Variants in PAX1 observed in about 807,000 individuals in gnomAD.
PAX1 encodes paired box 1.
PAX1 carries 18 observed loss-of-function variants against 35.6 expected under a neutral mutation model. That is an observed-to-expected ratio of 0.50 (90% CI 0.35 to 0.75). The LOEUF (loss-of-function observed/expected upper bound fraction) is 0.75. Among genes scored for constraint, PAX1 ranks in the 30% least tolerant of loss-of-function variants. PAX1 has a pLI of 0.01. For synonymous variants in PAX1, 397 were observed against 305.2 expected (o/e 1.30, Z -3.14); for missense variants, 760 against 661.5 (o/e 1.15, Z -1.63).
Position 21,706,129 on chromosome 20 carries a change from T to A in PAX1, c.286+131T>A. On this transcript the variant is annotated intron_variant, in intron 1 of 4. Transcript: ENST00000613128. The surrounding 1 kb of genome is among the most constrained non-coding windows in gnomAD (Gnocchi z 5.3). ...GTCCTGGAGAAGCTGCATTCTCCTC[T>A]GATCCCCAGCCTTCAGGGGGCAGTT... is the stretch of plus-strand genomic sequence containing the variant. 1 of 839,784 alleles carries A rather than the reference T, an allele frequency of 1.2e-6. No homozygotes were observed. The highest frequency in any genetic ancestry group is 1.9e-6 in the Non-Finnish European group (1 of 522,072). The allele number at this position is 839,784 out of a possible 1,614,324, so 52.0% of individuals were successfully genotyped here.
At chr20:21,707,114 G>C in intron 2 of PAX1, 47 bp downstream of exon 2, 1 of 1,610,232 alleles carries the variant, frequency 6.2e-7, no homozygotes. Flanking sequence ...GGCAGAACCT[G>C]GGGCGGGCAG....
In PAX1 at chr20:21,718,001, A is replaced by G. The variant is rs1985428963; in HGVS notation, c.*3439A>G. On this transcript the variant is annotated 3_prime_UTR_variant, in exon 5 of 5. Coordinates refer to ENST00000613128, the MANE Select transcript of PAX1 (RefSeq NM_001257096.2). ...TGAGTTGTGCTGTGCACACACAGAC[A>G]TGAGCTGAAGATCTGCTCTTTGCGT... The G allele has an allele frequency of 6.6e-6, 1 of 152,252 alleles. No individual in the cohort carries two copies. The highest frequency in any genetic ancestry group is 1.5e-5 in the Non-Finnish European group (1 of 68,054). The allele number at this position is 152,252 out of a possible 1,614,324, so 9.4% of individuals were successfully genotyped here.
rs770998874 is a variant in PAX1, at chr20:21,713,378, T to TGTGTGTGTG, written c.1283-1093_1283-1092insGTGTGTGTG. Among the ~76,000 whole-genome samples, 664 of 138,048 alleles carry TGTGTGTGTG rather than the reference T, an allele frequency of 4.8e-3. 9 individuals are homozygous for TGTGTGTGTG. The highest frequency in any genetic ancestry group is 0.017 in the African/African-American group (628 of 36,040). The allele number at this position is 138,048 out of a possible 152,430, so 90.6% of individuals were successfully genotyped here. ...TCAACGAAACCGTGTGTTTTCTTTTTTTTTTGTGTGTGTGTGTGTGTGTGT... is the reference window on the plus strand; with the variant it reads ...TCAACGAAACCGTGTGTTTTCTTTTTGTGTGTGTGTTTTTGTGTGTGTGTGTGTGTGTGT... On this transcript the variant is annotated intron_variant, in intron 4 of 4. Coordinates refer to ENST00000613128, the MANE Select transcript of PAX1 (RefSeq NM_001257096.2).
intron 4 of PAX1, among the ~76,000 whole-genome samples, chr20:21,710,176 A>G (rs971117062): frequency 9.9e-5 from 15 of 151,920 alleles, no homozygotes; most frequent in African/African-American, 3.1e-4. Flanking sequence ...TTCCTTTTCC[A>G]TAAGTCCACT....
Position 21,706,861 on chromosome 20 carries a change from G to A in PAX1, c.710G>A (p.Ser237Asn). 6.2e-7 allele frequency: 1 copy of A among 1,613,298 alleles called. No homozygotes were observed. Among genetic ancestry groups the A allele is most frequent in the East Asian group, 2.2e-5 (1 of 44,874 alleles). Residue 237 changes from serine to asparagine, a missense_variant, in exon 2 of 5, where the codon AGT (serine) becomes AAT (asparagine). Physicochemically the swap from Ser to Asn is conservative, Grantham distance 46. This residue lies in a region of PAX1 where 490 missense variants were observed against 428.4 expected (regional missense o/e 1.14). Transcript: ENST00000613128. The surrounding 1 kb of genome is among the most constrained non-coding windows in gnomAD (Gnocchi z 5.3). ...SLAQPGPYEASKQPPSQPTLP... is the reference protein window; with the variant it reads ...SLAQPGPYEANKQPPSQPTLP... Reference sequence around the variant, plus strand: ...GCGCAGCCCGGACCGTACGAGGCAAGTAAGCAGCCGCCGTCGCAGCCTACG... The same window carrying A: ...GCGCAGCCCGGACCGTACGAGGCAAATAAGCAGCCGCCGTCGCAGCCTACG...
rs1411423335 is a variant in PAX1 at position 21,709,322 on chromosome 20, T to A, written c.1160T>A (p.Leu387His). ...TACAGCGCCCCGGGCGGCGGCTACCTCGCCCCGGGCCCGCCGTGGCCGCCT... is the reference window on the plus strand; with the variant it reads ...TACAGCGCCCCGGGCGGCGGCTACCACGCCCCGGGCCCGCCGTGGCCGCCT... Reference protein sequence around the residue: ...GVYSAPGGGYLAPGPPWPPAQ... With the variant: ...GVYSAPGGGYHAPGPPWPPAQ... The change falls in exon 4 of 5, where the codon CTC becomes CAC. Residue 387 changes from leucine to histidine, a missense_variant. By Grantham distance (99) the Leu-to-His change is moderately conservative. Coordinates refer to ENST00000613128, the MANE Select transcript of PAX1 (RefSeq NM_001257096.2). 2.9e-5 allele frequency: 47 copies of A among 1,599,202 alleles called. No individual in the cohort carries two copies. Among genetic ancestry groups the A allele is most frequent in the Non-Finnish European group, 3.9e-5 (46 of 1,178,040 alleles).
At position 21,715,295 on chromosome 20, in the gene PAX1, C is replaced by T. The variant is rs1047109720; in HGVS notation, c.*733C>T. ...ACTTTGTAGCCTTCACTCCTCTGAG[C>T]CCACCAGCCCTAATGGAGGGGGGCT... On this transcript the variant is annotated 3_prime_UTR_variant, in exon 5 of 5. Coordinates refer to ENST00000613128, the MANE Select transcript of PAX1 (RefSeq NM_001257096.2). 1 of 171,742 alleles carries T rather than the reference C, an allele frequency of 5.8e-6. No homozygotes were observed. The highest frequency in any genetic ancestry group is 5.7e-5 in the Admixed American group (1 of 17,434). 10.6% of individuals were successfully genotyped at this position (171,742 alleles called of 1,614,324 possible).
At chr20:21,713,777 C>T (rs2122147947) in intron 4 of PAX1, among the ~76,000 whole-genome samples, 1 of 152,382 alleles carries the variant, frequency 6.6e-6, no homozygotes, top group East Asian at 1.9e-4. Context: ...GGCAATCCCA[C>T]TGTCACTTAA....
In PAX1 at chr20:21,714,880, A is replaced by T. The variant is rs974365601; in HGVS notation, c.*318A>T. ...GCCAGCTTCAAATTTCTTTTTTGTCACTCCCTTGTCCGTCTCCGTCTCGCC... is the reference window on the plus strand; with the variant it reads ...GCCAGCTTCAAATTTCTTTTTTGTCTCTCCCTTGTCCGTCTCCGTCTCGCC... On this transcript the variant is annotated 3_prime_UTR_variant, in exon 5 of 5. Transcript: ENST00000613128. 31 of 1,194,436 alleles carry T rather than the reference A, an allele frequency of 2.6e-5. No individual in the cohort carries two copies. The highest frequency in any genetic ancestry group is 3.6e-5 in the Non-Finnish European group (30 of 822,480). The allele number at this position is 1,194,436 out of a possible 1,614,324, so 74.0% of individuals were successfully genotyped here. A position where few individuals can be genotyped will look rare whatever the true frequency, so the allele number is the denominator to read the frequency against.
chr20:21,717,926 A>G lies in PAX1; in HGVS notation c.*3364A>G, dbSNP rs1985426035. 1 of 152,230 alleles carries G rather than the reference A, an allele frequency of 6.6e-6. No individual in the cohort carries two copies. The highest frequency in any genetic ancestry group is 2.4e-5 in the African/African-American group (1 of 41,456). The allele number at this position is 152,230 out of a possible 1,614,324, so 9.4% of individuals were successfully genotyped here. On this transcript the variant is annotated 3_prime_UTR_variant, in exon 5 of 5. Coordinates refer to ENST00000613128, the MANE Select transcript of PAX1 (RefSeq NM_001257096.2). ...GTGAATCTTTCCAGGAAAAACATGC[A>G]TGCGGGAAAATATGTTTCTGTCTAT...
rs146170519 is a variant in PAX1, at chr20:21,715,017, C to T, written c.*455C>T. Reference sequence around the variant, plus strand: ...GCTTTCCCCGACCTTCCAGGGCTCCCTCTGCCCTTCCACTCTCTTTTCCTT... The same window carrying T: ...GCTTTCCCCGACCTTCCAGGGCTCCTTCTGCCCTTCCACTCTCTTTTCCTT... On this transcript the variant is annotated 3_prime_UTR_variant, in exon 5 of 5. Transcript: ENST00000613128. 7.9e-4 allele frequency: 501 copies of T among 630,668 alleles called. 2 individuals are homozygous for T. The African/African-American group carries it at 8.2e-3, about 10-fold the overall frequency. 39.1% of individuals were successfully genotyped at this position (630,668 alleles called of 1,614,324 possible). A position where few individuals can be genotyped will look rare whatever the true frequency, so the allele number is the denominator to read the frequency against.
chr20:21,712,286 A>G (rs1014930563), intron 4 of PAX1, among the ~76,000 whole-genome samples: 2 of 152,220 alleles, frequency 1.3e-5, no homozygotes, highest in African/African-American at 2.4e-5. Flanking sequence ...TTAAAAAGGT[A>G]GTGAGTCTGG....
At chr20:21,707,735 G>C (rs542049563) in intron 2 of PAX1, among the ~76,000 whole-genome samples, 2 of 152,306 alleles carry the variant, frequency 1.3e-5, no homozygotes, top group South Asian at 2.1e-4. Context: ...ATCGGGTCTG[G>C]ATTTCTTTGC....
chr20:21,711,278 A>G (rs17861039), intron 4 of PAX1, among the ~76,000 whole-genome samples: 2,214 of 152,370 alleles, frequency 0.015, 54 homozygotes, highest in African/African-American at 0.052. Flanking sequence ...TTTGCCCTGG[A>G]GGCATTTTAA....
intron 2 of PAX1, 72 bp from the exon 3 acceptor site, chr20:21,708,486 T>C: frequency 1.3e-6 from 2 of 1,572,392 alleles, no homozygotes; most frequent in Non-Finnish European, 1.7e-6. Flanking sequence ...AGATACAAAT[T>C]GGGTGGTTGG....
intron 3 of PAX1, 126 bp from the exon 4 acceptor site, chr20:21,709,096 A>G: frequency 7.4e-6 from 6 of 810,744 alleles, no homozygotes; most frequent in South Asian, 4.1e-5. Context: ...CAGGCCTCGC[A>G]TGGGGATAAT....
At chr20:21,713,380 T>TGTGTG (rs1555805030) in intron 4 of PAX1, among the ~76,000 whole-genome samples, 25 of 135,882 alleles carry the variant, frequency 1.8e-4, no homozygotes, top group Non-Finnish European at 3.5e-4. Flanking sequence ...TTTCTTTTTT[T>TGTGTG]TTTGTGTGTG....
chr20:21,708,285 G>A (rs2122137054), intron 2 of PAX1: 3 of 577,016 alleles, frequency 5.2e-6, no homozygotes, highest in Non-Finnish European at 9.4e-6. Flanking sequence ...CTTTGGCCGA[G>A]TCTGCCCAGG....
At position 21,717,314 on chromosome 20, in the gene PAX1, T is replaced by G. The variant is rs1985404146; in HGVS notation, c.*2752T>G. 1 of 152,272 alleles carries G rather than the reference T, an allele frequency of 6.6e-6. No individual in the cohort carries two copies. 9.4% of individuals were successfully genotyped at this position (152,272 alleles called of 1,614,324 possible). ...CATCTTAGTGAACTTGGCTTAAATC[T>G]CTGCTCCACTGTATGTGTCAGGGGA... On this transcript the variant is annotated 3_prime_UTR_variant, in exon 5 of 5. Transcript: ENST00000613128.
Sources: gnomAD v4.1 joint callset for allele counts (sites outside exome capture counted in the v4.1 genomes callset) on GRCh38, gnomAD v4.1.1 for gene constraint, gnomAD v4.1.1 regional missense constraint, Gnocchi (gnomAD v3.1) non-coding constraint, MANE v1.5 for transcripts, NCBI Gene and HGNC (gene_info 2026-07-23, HGNC 2026-07-21) for gene names.